Variants in CDC37L1 observed in about 807,000 individuals in gnomAD.
The protein encoded by CDC37L1 is cell division cycle 37 like 1, HSP90 cochaperone, also known as hsp90 co-chaperone Cdc37-like 1.
CDC37L1 carries 32 observed loss-of-function variants against 45.9 expected under a neutral mutation model. The observed-to-expected ratio is 0.70, with a 90% CI of 0.53 to 0.94. CDC37L1 has a LOEUF of 0.94. CDC37L1 is among the 40% of genes least tolerant of loss of function. The pLI, the probability that CDC37L1 is intolerant of heterozygous loss-of-function variation, is 0.00. For synonymous variants in CDC37L1, 150 were observed against 133.0 expected (o/e 1.13, Z -0.88); for missense variants, 434 against 405.7 (o/e 1.07, Z -0.60).
intron 3 of CDC37L1, among the ~76,000 whole-genome samples, chr9:4,691,395 G>C (rs1841299557): frequency 6.6e-6 from 1 of 152,144 alleles, no homozygotes; most frequent in Non-Finnish European, 1.5e-5. Context: ...TCATCATTTA[G>C]CTCCCGCTTA....
chr9:4,682,323 CA>C (rs1172953820), intron 1 of CDC37L1, among the ~76,000 whole-genome samples: 2 of 79,686 alleles, frequency 2.5e-5, no homozygotes, highest in Non-Finnish European at 4.6e-5. Context: ...CCACTGTGCC[CA>C]GCTAATTTTT....
chr9:4,687,336 T>C (rs1327861572), intron 2 of CDC37L1, among the ~76,000 whole-genome samples: 1 of 152,218 alleles, frequency 6.6e-6, no homozygotes, highest in African/African-American at 2.4e-5. Context: ...AAATTTGTAC[T>C]TGACTTTAAA....
At chr9:4,700,825 A>G (rs1269324211) in intron 5 of CDC37L1, among the ~76,000 whole-genome samples, 1 of 152,204 alleles carries the variant, frequency 6.6e-6, no homozygotes, top group Non-Finnish European at 1.5e-5. Flanking sequence ...TGGCCCACAA[A>G]TTACTTAATA....
At position 4,684,919 on chromosome 9, in the gene CDC37L1, G is replaced by C. The variant is rs1435269832; in HGVS notation, c.175G>C (p.Glu59Gln). The C allele has an allele frequency of 6.2e-7, 1 of 1,613,644 alleles. No individual in the cohort carries two copies. Among genetic ancestry groups the C allele is most frequent in the African/African-American group, 1.3e-5 (1 of 74,934 alleles). ...GIELACQKQK[E>Q]FVKSSVACKW... ...TGAATTGGCTTGCCAAAAGCAGAAA[G>C]AGTTTGTGAAGAGCTCTGTGGCGTG... The change falls in exon 2 of 7, where the codon GAG (glutamate) becomes CAG (glutamine). Residue 59 changes from glutamate to glutamine, a missense_variant. Glu to Gln is a conservative substitution (Grantham distance 29, BLOSUM62 2). Coordinates refer to ENST00000381854, the MANE Select transcript of CDC37L1 (RefSeq NM_017913.4).
At chr9:4,683,651 G>A (rs1009227669) in intron 1 of CDC37L1, among the ~76,000 whole-genome samples, 4 of 152,180 alleles carry the variant, frequency 2.6e-5, no homozygotes, top group African/African-American at 9.7e-5. Flanking sequence ...TGAAAAAAAA[G>A]ATCAGATTCA....
chr9:4,698,528 A>T (rs1279252990), intron 5 of CDC37L1, among the ~76,000 whole-genome samples: 7 of 151,656 alleles, frequency 4.6e-5, no homozygotes, highest in African/African-American at 1.7e-4. Context: ...GCAGTAATTT[A>T]AAAGCTGCCC....
intron 1 of CDC37L1, among the ~76,000 whole-genome samples, chr9:4,683,174 G>T (rs1286327687): frequency 2.0e-5 from 3 of 146,418 alleles, no homozygotes; most frequent in African/African-American, 7.6e-5. Context: ...TAGGGACATG[G>T]TTTATAGTAC....
rs1841209562 is a variant in CDC37L1 at position 4,682,891 on chromosome 9, ATCC to A, written c.133-1984_133-1982del. 1.5e-4 allele frequency among the ~76,000 whole-genome samples: 22 copies of A among 150,958 alleles called. No homozygotes were observed. In the Middle Eastern group the frequency reaches 0.014, roughly 94 times the overall value. On this transcript the variant is annotated intron_variant, in intron 1 of 6. Transcript: ENST00000381854. ...CATAGCTAGTCTACAGTTATTCTTG[ATCC>A]TATTCTAAGATAACTATTCTTGATC...
chr9:4,686,751 G>T (rs1026299883), intron 2 of CDC37L1, among the ~76,000 whole-genome samples: 6 of 152,176 alleles, frequency 3.9e-5, no homozygotes, highest in African/African-American at 1.4e-4. Flanking sequence ...CTTGAGACTT[G>T]AGAGGACTGG....
At chr9:4,683,819 G>C (rs1047825231) in intron 1 of CDC37L1, among the ~76,000 whole-genome samples, 1 of 152,192 alleles carries the variant, frequency 6.6e-6, no homozygotes, top group South Asian at 2.1e-4. Context: ...ATGTACATTT[G>C]ACGAAGAACT....
intron 6 of CDC37L1, among the ~76,000 whole-genome samples, chr9:4,703,845 T>C (rs768773632): frequency 2.6e-5 from 4 of 152,198 alleles, no homozygotes; most frequent in Non-Finnish European, 5.9e-5. Context: ...ACTAGAATTA[T>C]ACAATTCTGA....
intron 1 of CDC37L1, among the ~76,000 whole-genome samples, chr9:4,682,994 AT>A (rs1341980377): frequency 1.4e-5 from 2 of 144,276 alleles, no homozygotes; most frequent in African/African-American, 2.5e-5. Flanking sequence ...AATATTTTAT[AT>A]TAAAATATAA....
At chr9:4,701,529 T>G (rs980323329) in intron 5 of CDC37L1, among the ~76,000 whole-genome samples, 1 of 152,236 alleles carries the variant, frequency 6.6e-6, no homozygotes, top group Non-Finnish European at 1.5e-5. Context: ...ACAGATTAAA[T>G]GACTATTTTG....
rs1841441242 is a variant in CDC37L1, at chr9:4,706,286, T to C, written c.*174T>C. The C allele has an allele frequency of 2.3e-6, 1 of 434,740 alleles. No homozygotes were observed. The highest frequency in any genetic ancestry group is 4.2e-6 in the Non-Finnish European group (1 of 236,600). The allele number at this position is 434,740 out of a possible 1,614,324, so 26.9% of individuals were successfully genotyped here. ...TTTTAATGTGCTGCTAGGTTTTTTG[T>C]TTTGTTTTGTTCTGAAGAGAAGAGT... On this transcript the variant is annotated 3_prime_UTR_variant, in exon 7 of 7. Transcript: ENST00000381854.
chr9:4,683,401 C>T (rs1300648067), intron 1 of CDC37L1, among the ~76,000 whole-genome samples: 1 of 151,740 alleles, frequency 6.6e-6, no homozygotes, highest in South Asian at 2.1e-4. Context: ...TAACTTGGGT[C>T]GGGAGACACT....
Position 4,679,669 on chromosome 9 carries a change from G to C in CDC37L1, c.-99G>C. ...TGGGTAACGGCCCGGACCCCCGGCT[G>C]GGCTTCTGGCTCGGCGCAGCAGGTT... is the stretch of plus-strand genomic sequence containing the variant. On this transcript the variant is annotated 5_prime_UTR_variant, in exon 1 of 7. Transcript: ENST00000381854. 8.7e-7 allele frequency: 1 copy of C among 1,149,942 alleles called. No individual in the cohort carries two copies. The highest frequency in any genetic ancestry group is 3.1e-4 in the Middle Eastern group (1 of 3,244). 71.2% of individuals were successfully genotyped at this position (1,149,942 alleles called of 1,614,324 possible). A position where few individuals can be genotyped will look rare whatever the true frequency, so the allele number is the denominator to read the frequency against.
chr9:4,680,441 T>C (rs184230652), intron 1 of CDC37L1, among the ~76,000 whole-genome samples: 1 of 152,246 alleles, frequency 6.6e-6, no homozygotes, highest in African/African-American at 2.4e-5. Flanking sequence ...CCTCTCCCAT[T>C]CGCGTGACCA....
chr9:4,707,569 C>T lies in CDC37L1; in HGVS notation c.*1457C>T, dbSNP rs1841455557. 1 of 152,192 alleles carries T rather than the reference C, an allele frequency of 6.6e-6. No homozygotes were observed. Among genetic ancestry groups the T allele is most frequent in the Admixed American group, 6.5e-5 (1 of 15,270 alleles). 9.4% of individuals were successfully genotyped at this position (152,192 alleles called of 1,614,324 possible). ...AAATGGACTGGAATTATTGAATCTT[C>T]TTCTGTAACATCACAATCTTCCTGG... On this transcript the variant is annotated 3_prime_UTR_variant, in exon 7 of 7. Coordinates refer to ENST00000381854, the MANE Select transcript of CDC37L1 (RefSeq NM_017913.4).
At chr9:4,690,673 T>C (rs1477739330) in intron 3 of CDC37L1, among the ~76,000 whole-genome samples, 1 of 152,232 alleles carries the variant, frequency 6.6e-6, no homozygotes, top group Non-Finnish European at 1.5e-5. Context: ...CAATATACTA[T>C]CTTGTAATAA....
Sources: allele counts gnomAD v4.1 joint callset (sites outside exome capture counted in the v4.1 genomes callset), GRCh38; gene constraint gnomAD v4.1.1; transcripts MANE v1.5; gene names NCBI Gene and HGNC (gene_info 2026-07-23, HGNC 2026-07-21).